CADM2: variants seen among roughly 807,000 people sequenced by gnomAD.
The protein encoded by CADM2 is immunoglobulin superfamily member 4D.
CADM2 carries 12 observed loss-of-function variants against 49.8 expected under a neutral mutation model. That is an observed-to-expected ratio of 0.24 (90% confidence interval 0.15 to 0.39). CADM2 has a LOEUF of 0.39. Ranked by LOEUF, CADM2 falls within the 10% of genes least tolerant of loss-of-function variation. The pLI, the probability that CADM2 is intolerant of heterozygous loss-of-function variation, is 1.00. For synonymous variants in CADM2, 214 were observed against 175.4 expected, an observed-to-expected ratio of 1.22 and a Z score of -1.74; for missense variants, 378 against 492.3, an observed-to-expected ratio of 0.77 and a Z score of 2.20.
At chr3:85,020,297 A>T (rs2034439701) in intron 1 of CADM2, among the ~76,000 whole-genome samples, 1 of 152,202 alleles carries the variant, frequency 6.6e-6, no homozygotes, top group Admixed American at 6.5e-5. Flanking sequence ...TTAAGTATTT[A>T]ACAGACATTT....
Position 85,021,862 on chromosome 3 carries a change from C to T in CADM2, c.61+62194C>T, listed in dbSNP as rs551354940. Among the ~76,000 whole-genome samples, 5 of 152,264 alleles carry T rather than the reference C, an allele frequency of 3.3e-5. No homozygotes were observed. In the East Asian group the frequency reaches 5.8e-4, roughly 18 times the overall value. ...CTCTCTGTGTTATATTTGTGAAACACGTGTTATAATCTTACAGAACTCAGT... is the reference window on the plus strand; with the variant it reads ...CTCTCTGTGTTATATTTGTGAAACATGTGTTATAATCTTACAGAACTCAGT... On this transcript the variant is annotated intron_variant, in intron 1 of 9. Coordinates refer to ENST00000383699, the MANE Select transcript of CADM2 (RefSeq NM_001167675.2).
At chr3:85,273,523 G>T (rs1337108658) in intron 1 of CADM2, among the ~76,000 whole-genome samples, 1 of 151,248 alleles carries the variant, frequency 6.6e-6, no homozygotes, top group Non-Finnish European at 1.5e-5. Context: ...TGAATATGCT[G>T]CAATAGGATT....
chr3:85,830,927 G>A (rs917351563), intron 3 of CADM2, among the ~76,000 whole-genome samples: 4 of 151,566 alleles, frequency 2.6e-5, no homozygotes, highest in Non-Finnish European at 5.9e-5. Context: ...GTTTACAAAT[G>A]ATCCCATCTC....
chr3:85,138,189 C>T (rs2039474102), intron 1 of CADM2, among the ~76,000 whole-genome samples: 1 of 152,124 alleles, frequency 6.6e-6, no homozygotes, highest in South Asian at 2.1e-4. Flanking sequence ...ATTCTTTCCC[C>T]AGCAGAGAAA....
At chr3:85,390,259 A>G (rs2034454080) in intron 1 of CADM2, among the ~76,000 whole-genome samples, 2 of 152,070 alleles carry the variant, frequency 1.3e-5, no homozygotes, top group South Asian at 4.1e-4. Flanking sequence ...CTGAGGCTTC[A>G]GTTCCATTTC....
At chr3:85,457,318 C>T (rs1179066751) in intron 1 of CADM2, among the ~76,000 whole-genome samples, 1 of 151,642 alleles carries the variant, frequency 6.6e-6, no homozygotes, top group African/African-American at 2.4e-5. Flanking sequence ...GAGCCTAAGG[C>T]AGGAAGGTCG....
chr3:85,270,472 A>T (rs2043215095), intron 1 of CADM2, among the ~76,000 whole-genome samples: 1 of 151,340 alleles, frequency 6.6e-6, no homozygotes, highest in Admixed American at 6.6e-5. Flanking sequence ...ATCATGCCTA[A>T]AACATTCTGT....
At chr3:85,916,238 G>A (rs993608759) in intron 6 of CADM2, among the ~76,000 whole-genome samples, 1 of 152,082 alleles carries the variant, frequency 6.6e-6, no homozygotes, top group Non-Finnish European at 1.5e-5. Context: ...AGTTACATAT[G>A]TATACATGTG....
intron 8 of CADM2, among the ~76,000 whole-genome samples, chr3:85,968,150 G>A (rs1334011176): frequency 6.6e-6 from 1 of 151,556 alleles, no homozygotes; most frequent in African/African-American, 2.4e-5. Context: ...TAACTAGTTG[G>A]ATGATTCTTA....
At chr3:85,086,551 G>A (rs1575833589) in intron 1 of CADM2, among the ~76,000 whole-genome samples, 1 of 125,120 alleles carries the variant, frequency 8.0e-6, no homozygotes, top group Middle Eastern at 5.3e-3. Context: ...TCGCTTTGTT[G>A]CCCAGGCTAG....
chr3:85,553,064 A>T, intron 1 of CADM2, among the ~76,000 whole-genome samples: 1 of 152,118 alleles, frequency 6.6e-6, no homozygotes. Flanking sequence ...TTAATTTATT[A>T]TGTTCTTACA....
At position 85,206,772 on chromosome 3, in the gene CADM2, CAT is replaced by C. The variant is rs367705629; in HGVS notation, c.61+247106_61+247107del. On this transcript the variant is annotated intron_variant, in intron 1 of 9. Transcript: ENST00000383699. ...ACTTTATATCTACTTGGATAATAAA[CAT>C]AAATACATTTATATCTTTTTATGAT... Among the ~76,000 whole-genome samples the C allele has an allele frequency of 3.9e-4, 59 of 151,936 alleles. No homozygotes were observed. The East Asian group carries it at 5.4e-3, about 14-fold the overall frequency.
chr3:85,645,692 T>C (rs2064862025), intron 1 of CADM2, among the ~76,000 whole-genome samples: 1 of 151,984 alleles, frequency 6.6e-6, no homozygotes, highest in African/African-American at 2.4e-5. Context: ...ATGAACTTTT[T>C]TAAAAGTAAA....
intron 3 of CADM2, among the ~76,000 whole-genome samples, chr3:85,828,338 C>G (rs2074021539): frequency 2.6e-5 from 4 of 151,506 alleles, no homozygotes. Flanking sequence ...GTGTTCTAAA[C>G]AAAAATAGAT....
At chr3:85,954,417 A>G (rs908411532) in intron 7 of CADM2, among the ~76,000 whole-genome samples, 1 of 151,094 alleles carries the variant, frequency 6.6e-6, no homozygotes, top group Non-Finnish European at 1.5e-5. Context: ...TTTTTCAACT[A>G]CATCCTTAAC....
intron 1 of CADM2, among the ~76,000 whole-genome samples, chr3:85,545,251 C>T (rs988080125): frequency 6.6e-6 from 1 of 152,124 alleles, no homozygotes; most frequent in Non-Finnish European, 1.5e-5. Context: ...GCTTCTTAAG[C>T]ACTTAATATG....
intron 1 of CADM2, among the ~76,000 whole-genome samples, chr3:85,199,437 A>T (rs1356992806): frequency 2.7e-5 from 4 of 150,670 alleles, no homozygotes; most frequent in Non-Finnish European, 5.9e-5. Flanking sequence ...CTGACAAACA[A>T]AAACAGAGAA....
At chr3:85,930,890 AT>A (rs1720502088) in intron 6 of CADM2, among the ~76,000 whole-genome samples, 1 of 149,798 alleles carries the variant, frequency 6.7e-6, no homozygotes, top group Non-Finnish European at 1.5e-5. Flanking sequence ...GATTAATTAT[AT>A]GTTAATTAAT....
At chr3:85,121,112 G>T (rs2038847925) in intron 1 of CADM2, among the ~76,000 whole-genome samples, 1 of 152,174 alleles carries the variant, frequency 6.6e-6, no homozygotes, top group African/African-American at 2.4e-5. Context: ...AAATGAGAGA[G>T]CAGAAGGAAG....
Sources: gnomAD v4.1 joint callset for allele counts (sites outside exome capture counted in the v4.1 genomes callset) on GRCh38, gnomAD v4.1.1 for gene constraint, MANE v1.5 for transcripts, NCBI Gene and HGNC (gene_info 2026-07-23, HGNC 2026-07-21) for gene names.